Variants in SLC24A2 observed in about 807,000 individuals in gnomAD.
SLC24A2 encodes solute carrier family 24 member 2, also known as sodium/potassium/calcium exchanger 2.
Under a neutral mutation model 62.0 loss-of-function variants are expected in SLC24A2, and 36 were observed. That is an observed-to-expected ratio of 0.58 (90% CI 0.44 to 0.77). SLC24A2 has a LOEUF of 0.77. Among genes scored for constraint, SLC24A2 ranks in the 30% least tolerant of loss-of-function variants. SLC24A2 has a pLI of 0.00. For missense variants in SLC24A2, 846 were observed against 817.9 expected, an observed-to-expected ratio of 1.03 and a Z score of -0.42; for synonymous variants, 358 against 294.0, an observed-to-expected ratio of 1.22 and a Z score of -2.23.
the SLC24A2 span, among the ~76,000 whole-genome samples, chr9:19,896,249 T>C: frequency 2.1e-3 from 320 of 152,352 alleles, no homozygotes; most frequent in Non-Finnish European, 3.5e-3. Context: ...GTGGGAAACA[T>C]GTAAATAGGA....
chr9:19,666,504 T>C (rs1386183604), intron 2 of SLC24A2, among the ~76,000 whole-genome samples: 2 of 152,114 alleles, frequency 1.3e-5, no homozygotes, highest in Non-Finnish European at 2.9e-5. Flanking sequence ...ATATAGACAC[T>C]AAGGATCGGT....
the SLC24A2 span, among the ~76,000 whole-genome samples, chr9:20,020,695 A>G: frequency 6.6e-6 from 1 of 152,218 alleles, no homozygotes; most frequent in African/African-American, 2.4e-5. Flanking sequence ...TGTTCTGCAC[A>G]CGTATCCCAG....
the SLC24A2 span, among the ~76,000 whole-genome samples, chr9:19,848,275 A>C: frequency 6.6e-6 from 1 of 152,150 alleles, no homozygotes; most frequent in Non-Finnish European, 1.5e-5. Context: ...CTGATAGAGG[A>C]AGAGGTTTAA....
chr9:19,952,906 T>A, the SLC24A2 span, among the ~76,000 whole-genome samples: 1 of 151,958 alleles, frequency 6.6e-6, no homozygotes, highest in Non-Finnish European at 1.5e-5. Flanking sequence ...TTGATAAGGT[T>A]TATAATTACA....
chr9:19,512,885 T>A lies in SLC24A2; in HGVS notation c.*3268A>T, dbSNP rs934597580. 1.3e-5 allele frequency: 2 copies of A among 152,100 alleles called. No homozygotes were observed. The highest frequency in any genetic ancestry group is 4.8e-5 in the African/African-American group (2 of 41,418). The allele number at this position is 152,100 out of a possible 1,614,324, so 9.4% of individuals were successfully genotyped here. ...TGCCTCTATATCAGCATTAGGGATA[T>A]GGCTGACCGATTTCCTTAAGGCTAT... is the stretch of plus-strand genomic sequence containing the variant. On this transcript the variant is annotated 3_prime_UTR_variant, in exon 11 of 11. Coordinates refer to ENST00000341998, the MANE Select transcript of SLC24A2 (RefSeq NM_020344.4).
the SLC24A2 span, among the ~76,000 whole-genome samples, chr9:19,905,408 T>C: frequency 8.2e-6 from 1 of 121,248 alleles, no homozygotes; most frequent in East Asian, 3.1e-4. Context: ...TCCCACCTCT[T>C]TTTTTTTTTT....
At chr9:20,090,358 C>T in the SLC24A2 span, among the ~76,000 whole-genome samples, 3 of 152,146 alleles carry the variant, frequency 2.0e-5, no homozygotes, top group African/African-American at 4.8e-5. Context: ...CTGAGATCAC[C>T]CCAGAGCTGT....
intron 2 of SLC24A2, among the ~76,000 whole-genome samples, chr9:19,779,747 C>T (rs536873515): frequency 3.2e-4 from 49 of 152,250 alleles, no homozygotes; most frequent in African/African-American, 1.1e-3. Flanking sequence ...AAAGTTATAA[C>T]TCAATAAAGC....
At chr9:20,175,973 G>T in the SLC24A2 span, among the ~76,000 whole-genome samples, 1 of 151,962 alleles carries the variant, frequency 6.6e-6, no homozygotes, top group Admixed American at 6.6e-5. Context: ...TGTGAGCTGA[G>T]CTAGGAAGGA....
the SLC24A2 span, among the ~76,000 whole-genome samples, chr9:20,108,783 G>A: frequency 5.3e-5 from 8 of 152,034 alleles, no homozygotes; most frequent in East Asian, 1.9e-4. Context: ...CACCAGCATG[G>A]CACAAGTATA....
chr9:20,123,918 T>C, the SLC24A2 span, among the ~76,000 whole-genome samples: 2 of 152,176 alleles, frequency 1.3e-5, no homozygotes, highest in African/African-American at 2.4e-5. Flanking sequence ...CAAAGTATAG[T>C]GCTCACTAGC....
At chr9:20,106,018 C>T in the SLC24A2 span, among the ~76,000 whole-genome samples, 1 of 152,158 alleles carries the variant, frequency 6.6e-6, no homozygotes. Flanking sequence ...AAGGGAATAT[C>T]ACCACTGATC....
the SLC24A2 span, among the ~76,000 whole-genome samples, chr9:19,953,531 G>A: frequency 9.2e-5 from 14 of 151,944 alleles, no homozygotes; most frequent in Admixed American, 3.9e-4. Flanking sequence ...GATATTCTCA[G>A]ACGTTTTTAT....
At chr9:19,940,832 G>A in the SLC24A2 span, among the ~76,000 whole-genome samples, 1 of 152,236 alleles carries the variant, frequency 6.6e-6, no homozygotes, top group South Asian at 2.1e-4. Flanking sequence ...GCTGATTTCA[G>A]TGTGGCTTTT....
chr9:19,529,202 C>G (rs1833579044), intron 8 of SLC24A2, among the ~76,000 whole-genome samples: 1 of 152,142 alleles, frequency 6.6e-6, no homozygotes, highest in African/African-American at 2.4e-5. Context: ...CCAATTTTAT[C>G]TAGAGAAATG....
At chr9:19,944,728 C>T in the SLC24A2 span, among the ~76,000 whole-genome samples, 1 of 150,248 alleles carries the variant, frequency 6.7e-6, no homozygotes, top group African/African-American at 2.5e-5. Flanking sequence ...CAGTATAATG[C>T]GCATGCAGGT....
the SLC24A2 span, among the ~76,000 whole-genome samples, chr9:19,870,508 C>A: frequency 6.6e-6 from 1 of 152,170 alleles, no homozygotes; most frequent in East Asian, 1.9e-4. Flanking sequence ...GTTTTCATTT[C>A]TCTTGGGTAT....
At chr9:20,216,333 G>A in the SLC24A2 span, among the ~76,000 whole-genome samples, 1 of 152,176 alleles carries the variant, frequency 6.6e-6, no homozygotes, top group Non-Finnish European at 1.5e-5. Flanking sequence ...TCTTCCAAAT[G>A]ACAGTGAGAG....
the SLC24A2 span, among the ~76,000 whole-genome samples, chr9:19,940,856 G>A: frequency 5.9e-5 from 9 of 152,122 alleles, no homozygotes; most frequent in Non-Finnish European, 7.4e-5. Flanking sequence ...AAAGCCAAAC[G>A]CCACTGACAA....
Sources: allele counts gnomAD v4.1 joint callset (sites outside exome capture counted in the v4.1 genomes callset), GRCh38; gene constraint gnomAD v4.1.1; transcripts MANE v1.5; gene names NCBI Gene and HGNC (gene_info 2026-07-23, HGNC 2026-07-21).